Variants in FCHSD2 observed in about 807,000 individuals in gnomAD.
FCHSD2 encodes FCH and double SH3 domains 2.
FCHSD2 carries 38 observed loss-of-function variants against 108.1 expected under a neutral mutation model. The observed-to-expected ratio is 0.35, with a 90% CI of 0.27 to 0.46. FCHSD2 has a LOEUF of 0.46. Ranked by LOEUF, FCHSD2 falls within the 20% of genes least tolerant of loss-of-function variation. The pLI is 1.00. For missense variants in FCHSD2, 751 were observed against 897.8 expected (o/e 0.84, Z 2.09); for synonymous variants, 279 against 314.7 (o/e 0.89, Z 1.20).
At chr11:72,934,039 G>T (rs1331273538) in intron 8 of FCHSD2, among the ~76,000 whole-genome samples, 1 of 134,816 alleles carries the variant, frequency 7.4e-6, no homozygotes, top group Middle Eastern at 4.3e-3. Context: ...AGCCTGGGAG[G>T]TTGAGGCTGC....
chr11:72,841,669 C>T, intron 17 of FCHSD2, 86 bp from the exon 18 acceptor site: 3 of 1,345,928 alleles, frequency 2.2e-6, no homozygotes, highest in Non-Finnish European at 3.0e-6. Flanking sequence ...GTACTCATGC[C>T]TTTTCTCTAA....
chr11:72,922,805 T>C (rs1402620176), intron 8 of FCHSD2, among the ~76,000 whole-genome samples: 1 of 152,182 alleles, frequency 6.6e-6, no homozygotes, highest in Non-Finnish European at 1.5e-5. Flanking sequence ...CCAATATAAG[T>C]CACCATTTTA....
chr11:72,889,762 T>G, intron 11 of FCHSD2, 67 bp downstream of exon 11: 6 of 860,164 alleles, frequency 7.0e-6, no homozygotes, highest in Non-Finnish European at 9.6e-6. Context: ...TTAATAAAAC[T>G]CAGTTCCTTA....
intron 3 of FCHSD2, among the ~76,000 whole-genome samples, chr11:73,028,200 T>C (rs904580279): frequency 6.6e-6 from 1 of 152,108 alleles, no homozygotes; most frequent in Admixed American, 6.5e-5. Flanking sequence ...AGGCACTCAA[T>C]GGCAGCCTGT....
At chr11:72,886,748 C>T (rs1194150687) in intron 12 of FCHSD2, among the ~76,000 whole-genome samples, 1 of 152,166 alleles carries the variant, frequency 6.6e-6, no homozygotes, top group African/African-American at 2.4e-5. Context: ...TCATATCCAG[C>T]TACCAAATTA....
At chr11:73,131,158 G>A (rs180947828) in intron 2 of FCHSD2, among the ~76,000 whole-genome samples, 1 of 152,144 alleles carries the variant, frequency 6.6e-6, no homozygotes, top group African/African-American at 2.4e-5. Context: ...GAGGCAGGCA[G>A]ATCACTTGAG....
intron 8 of FCHSD2, among the ~76,000 whole-genome samples, chr11:72,948,521 T>C (rs897142397): frequency 6.6e-6 from 1 of 152,212 alleles, no homozygotes; most frequent in Non-Finnish European, 1.5e-5. Flanking sequence ...TAGTTTATTT[T>C]AAAGCATTTG....
intron 4 of FCHSD2, among the ~76,000 whole-genome samples, chr11:73,002,887 A>G (rs532999070): frequency 6.6e-6 from 1 of 152,332 alleles, no homozygotes; most frequent in South Asian, 2.1e-4. Flanking sequence ...ATTGTTTATT[A>G]ACATCTGTCC....
intron 8 of FCHSD2, among the ~76,000 whole-genome samples, chr11:72,937,766 G>A (rs950639819): frequency 3.3e-5 from 5 of 152,140 alleles, no homozygotes; most frequent in Non-Finnish European, 7.4e-5. Context: ...CAAACAAACA[G>A]GATAATTTCA....
Position 72,976,168 on chromosome 11 carries a change from T to C in FCHSD2, c.705+7920A>G, listed in dbSNP as rs570150839. 2.6e-5 allele frequency among the ~76,000 whole-genome samples: 4 copies of C among 152,340 alleles called. No individual in the cohort carries two copies. The South Asian group carries it at 8.3e-4, about 32-fold the overall frequency. On this transcript the variant is annotated intron_variant, in intron 8 of 19. Transcript: ENST00000409418. ...GAGTTTAAAGAAATCTGCCTAATAA[T>C]ATACAGACAGAGAAAGATATATTCA...
Position 72,956,899 on chromosome 11 carries a change from C to T in FCHSD2, c.705+27189G>A, listed in dbSNP as rs75065749. 4.0e-5 allele frequency among the ~76,000 whole-genome samples: 6 copies of T among 151,722 alleles called. No homozygotes were observed. The East Asian group carries it at 1.2e-3, about 29-fold the overall frequency. ...AATATTAATATCACCAGGGGTGAGA[C>T]AGTTTGACATCATGCACTTCTTCAT... is the stretch of plus-strand genomic sequence containing the variant. On this transcript the variant is annotated intron_variant, in intron 8 of 19. Coordinates refer to ENST00000409418, the MANE Select transcript of FCHSD2 (RefSeq NM_014824.3).
At chr11:73,093,757 AT>A (rs1395637637) in intron 2 of FCHSD2, among the ~76,000 whole-genome samples, 1 of 152,050 alleles carries the variant, frequency 6.6e-6, no homozygotes, top group East Asian at 2.0e-4. Flanking sequence ...ATGCACCACC[AT>A]GCCGAGCTAA....
chr11:72,988,064 T>A, intron 6 of FCHSD2, among the ~76,000 whole-genome samples: 1 of 152,362 alleles, frequency 6.6e-6, no homozygotes, highest in South Asian at 2.1e-4. Context: ...AAGTTGCTTA[T>A]AAGGTTGCTT....
At chr11:72,961,191 T>A (rs1856812269) in intron 8 of FCHSD2, among the ~76,000 whole-genome samples, 1 of 152,054 alleles carries the variant, frequency 6.6e-6, no homozygotes, top group South Asian at 2.1e-4. Flanking sequence ...CAAATCCAGG[T>A]GTTTCTAGGT....
At chr11:72,918,538 C>T (rs1855919809) in intron 9 of FCHSD2, among the ~76,000 whole-genome samples, 1 of 151,940 alleles carries the variant, frequency 6.6e-6, no homozygotes, top group Non-Finnish European at 1.5e-5. Context: ...ATGTAAGTTC[C>T]CTTCTATTCT....
chr11:72,962,469 C>A (rs769272460), intron 8 of FCHSD2, among the ~76,000 whole-genome samples: 2 of 152,118 alleles, frequency 1.3e-5, no homozygotes, highest in African/African-American at 2.4e-5. Context: ...CGTTTGAGAA[C>A]CTCTGGTATA....
chr11:73,038,847 A>G (rs1858562277), intron 3 of FCHSD2, among the ~76,000 whole-genome samples: 1 of 152,128 alleles, frequency 6.6e-6, no homozygotes, highest in East Asian at 1.9e-4. Context: ...CTAAAATAAA[A>G]GTTGAAAAAA....
chr11:72,958,384 G>A (rs528006420), intron 8 of FCHSD2, among the ~76,000 whole-genome samples: 2 of 152,260 alleles, frequency 1.3e-5, no homozygotes, highest in East Asian at 3.9e-4. Context: ...TGGGCATGGT[G>A]GTGCTGACCT....
chr11:73,008,013 C>T (rs1383355445), intron 4 of FCHSD2, among the ~76,000 whole-genome samples: 2 of 152,116 alleles, frequency 1.3e-5, no homozygotes, highest in African/African-American at 4.8e-5. Context: ...TAGAAATACA[C>T]CTTTCTACTG....
Sources: gnomAD v4.1 joint callset for allele counts (sites outside exome capture counted in the v4.1 genomes callset) on GRCh38, gnomAD v4.1.1 for gene constraint, MANE v1.5 for transcripts, NCBI Gene and HGNC (gene_info 2026-07-23, HGNC 2026-07-21) for gene names.